Variants in WDR33 observed in about 807,000 individuals in gnomAD.
The protein encoded by WDR33 is WD repeat domain 33, also known as pre-mRNA 3' end processing protein WDR33.
In WDR33, 47 loss-of-function variants were observed where a neutral mutation model predicts 164.9. That is an observed-to-expected ratio of 0.29 (90% CI 0.23 to 0.36). The LOEUF is 0.36. Among genes scored for constraint, WDR33 ranks in the 10% least tolerant of loss-of-function variants. The pLI, the probability that WDR33 is intolerant of heterozygous loss-of-function variation, is 1.00. For missense variants in WDR33, 1,137 were observed against 1,754.1 expected (o/e 0.65, Z 6.28); for synonymous variants, 505 against 589.0 (o/e 0.86, Z 2.06).
At chr2:127,730,923 G>A (rs1686688703) in intron 7 of WDR33, among the ~76,000 whole-genome samples, 1 of 149,392 alleles carries the variant, frequency 6.7e-6, no homozygotes, top group Non-Finnish European at 1.5e-5. Flanking sequence ...GTTTGTTTAG[G>A]TATGTTTTTA....
At chr2:127,737,877 G>T in intron 7 of WDR33, 1 of 1,439,342 alleles carries the variant, frequency 6.9e-7, no homozygotes. Context: ...CAAAGTAGAA[G>T]AGTAGTTAAC....
At position 127,723,310 on chromosome 2, in the gene WDR33, G is replaced by A. The variant is rs1348247377; in HGVS notation, c.1234C>T (p.Arg412Ter). Residue 412 changes from arginine to a stop codon, truncating the protein, a stop_gained, in exon 12 of 22, where the codon CGA becomes TGA. Transcript: ENST00000322313. LOFTEE classifies it high-confidence loss of function. This position sits in a 1 kb window ranked among gnomAD's most constrained non-coding sequence, Gnocchi z 5.9. Reference sequence around the variant, plus strand: ...AAAAGGTTTAGATTATATCGATCTCGCATTTTATCACCTGGTCGGTTTCGA... The same window carrying A: ...AAAAGGTTTAGATTATATCGATCTCACATTTTATCACCTGGTCGGTTTCGA... The part of the protein sequence containing the change: ...WTRNRPGDKM[R>*]DRYNLNLLPG... 3.1e-6 allele frequency: 5 copies of A among 1,613,758 alleles called. No individual in the cohort carries two copies. The highest frequency in any genetic ancestry group is 1.3e-5 in the African/African-American group (1 of 74,890).
rs529298272 is a variant in WDR33, at chr2:127,706,692, C to T, written c.3782-140G>A. ...GAGACTGGCAGTGGTATTCAGCGTACTGAGAGGTGTGCCTCTACCCTTTCC... is the reference window on the plus strand; with the variant it reads ...GAGACTGGCAGTGGTATTCAGCGTATTGAGAGGTGTGCCTCTACCCTTTCC... On this transcript the variant is annotated intron_variant, in intron 21 of 21. Transcript: ENST00000322313. The surrounding 1 kb of genome is among the most constrained non-coding windows in gnomAD (Gnocchi z 5.1). 1.2e-4 allele frequency: 89 copies of T among 753,044 alleles called. No homozygotes were observed. The African/African-American group carries it at 1.2e-3, about 10-fold the overall frequency. 46.6% of individuals were successfully genotyped at this position (753,044 alleles called of 1,614,324 possible).
Position 127,708,959 on chromosome 2 carries a change from T to G in WDR33, c.3566-67A>C. 1 of 1,439,810 alleles carries G rather than the reference T, an allele frequency of 6.9e-7. No homozygotes were observed. Among genetic ancestry groups the G allele is most frequent in the Non-Finnish European group, 9.2e-7 (1 of 1,085,716 alleles). 89.2% of individuals were successfully genotyped at this position (1,439,810 alleles called of 1,614,324 possible). A position where few individuals can be genotyped will look rare whatever the true frequency, so the allele number is the denominator to read the frequency against. On this transcript the variant is annotated intron_variant, in intron 20 of 21. Coordinates refer to ENST00000322313, the MANE Select transcript of WDR33 (RefSeq NM_018383.5). This position sits in a 1 kb window ranked among gnomAD's most constrained non-coding sequence, Gnocchi z 6.7. Reference sequence around the variant, plus strand: ...GACCAGAAGTAGATGGGAATGACACTGTGAGAGTAAGGAGCAACTCGAGAG... The same window carrying G: ...GACCAGAAGTAGATGGGAATGACACGGTGAGAGTAAGGAGCAACTCGAGAG...
chr2:127,762,583 G>T (rs960893599), intron 7 of WDR33: 1 of 985,624 alleles, frequency 1.0e-6, no homozygotes, highest in African/African-American at 1.7e-5. Context: ...GTAACAAGCC[G>T]GCCATGTAGT....
rs1686126039 is a variant in WDR33, at chr2:127,710,250, T to C, written c.3309-394A>G. ...GGACACAGAGTAAGTGCTGGTGATC[T>C]GAACTCAGCCAGTCTTGACCCTCGG... On this transcript the variant is annotated intron_variant, in intron 18 of 21. Coordinates refer to ENST00000322313, the MANE Select transcript of WDR33 (RefSeq NM_018383.5). The surrounding 1 kb of genome is among the most constrained non-coding windows in gnomAD (Gnocchi z 4.4). Among the ~76,000 whole-genome samples, 1 of 152,252 alleles carries C rather than the reference T, an allele frequency of 6.6e-6. No individual in the cohort carries two copies. Among genetic ancestry groups the C allele is most frequent in the Admixed American group, 6.5e-5 (1 of 15,286 alleles).
At chr2:127,754,722 C>T (rs900563511) in intron 7 of WDR33, among the ~76,000 whole-genome samples, 7 of 151,872 alleles carry the variant, frequency 4.6e-5, no homozygotes, top group Admixed American at 1.3e-4. Context: ...TGTGCCTGGC[C>T]ACATTCTCTT....
At chr2:127,790,346 CTAATAT>C (rs1315635542) in intron 1 of WDR33, among the ~76,000 whole-genome samples, 1 of 152,086 alleles carries the variant, frequency 6.6e-6, no homozygotes, top group African/African-American at 2.4e-5. Context: ...ATTTGAGTTA[CTAATAT>C]TTTGTTGTGA....
At chr2:127,807,451 C>G (rs971266023) in intron 1 of WDR33, among the ~76,000 whole-genome samples, 2 of 152,158 alleles carry the variant, frequency 1.3e-5, no homozygotes, top group South Asian at 2.1e-4. Flanking sequence ...CAGTTTTGCA[C>G]GTATCATCCC....
chr2:127,749,381 G>A lies in WDR33; in HGVS notation c.724+13681C>T, dbSNP rs115704775. On this transcript the variant is annotated intron_variant, in intron 7 of 21. Transcript: ENST00000322313. ...AATGATGATGAAGAAACACCATAAGGGCAGGTGTGGTGGCTCGTGTCTGTA... is the reference window on the plus strand; with the variant it reads ...AATGATGATGAAGAAACACCATAAGAGCAGGTGTGGTGGCTCGTGTCTGTA... Among the ~76,000 whole-genome samples the A allele has an allele frequency of 7.0e-3, 1,066 of 152,142 alleles. 10 individuals carry two copies. The highest frequency in any genetic ancestry group is 0.024 in the African/African-American group (1,012 of 41,516).
At chr2:127,767,205 C>A (rs945991959) in intron 4 of WDR33, among the ~76,000 whole-genome samples, 1 of 152,160 alleles carries the variant, frequency 6.6e-6, no homozygotes, top group Non-Finnish European at 1.5e-5. Context: ...TTATTTTCCT[C>A]ATCTGCCACT....
Position 127,735,265 on chromosome 2 carries a change from T to C in WDR33, c.725-8488A>G, listed in dbSNP as rs1213316185. 7 of 546,258 alleles carry C rather than the reference T, an allele frequency of 1.3e-5. No individual in the cohort carries two copies. Among genetic ancestry groups the C allele is most frequent in the Admixed American group, 6.4e-5 (1 of 15,678 alleles). The allele number at this position is 546,258 out of a possible 1,614,324, so 33.8% of individuals were successfully genotyped here. ...ATTTTTCTCAGGCCCTCACCCCTCCTCCACCTGATCACCCCTCCTCCACCT... is the reference window on the plus strand; with the variant it reads ...ATTTTTCTCAGGCCCTCACCCCTCCCCCACCTGATCACCCCTCCTCCACCT... On this transcript the variant is annotated intron_variant, in intron 7 of 21. Coordinates refer to ENST00000322313, the MANE Select transcript of WDR33 (RefSeq NM_018383.5). The surrounding 1 kb of genome is among the most constrained non-coding windows in gnomAD (Gnocchi z 4.3).
chr2:127,713,204 G>C lies in WDR33; in HGVS notation c.3308+379C>G, dbSNP rs72846244. ...ATTATTGGGCAATTACACAAAAATT[G>C]TATCTATTTCACAACCCCTTTATTT... is the stretch of plus-strand genomic sequence containing the variant. On this transcript the variant is annotated intron_variant, in intron 18 of 21. Transcript: ENST00000322313. This position sits in a 1 kb window ranked among gnomAD's most constrained non-coding sequence, Gnocchi z 6.2. Among the ~76,000 whole-genome samples, 2 of 152,082 alleles carry C rather than the reference G, an allele frequency of 1.3e-5. No homozygotes were observed. The highest frequency in any genetic ancestry group is 4.8e-5 in the African/African-American group (2 of 41,408).
Position 127,707,365 on chromosome 2 carries a change from C to T in WDR33, c.3782-813G>A, listed in dbSNP as rs1052190150. 5.3e-5 allele frequency among the ~76,000 whole-genome samples: 8 copies of T among 152,214 alleles called. No homozygotes were observed. In the East Asian group the frequency reaches 7.7e-4, roughly 15 times the overall value. ...TCTCAGAAGATGACTGCAAACTCTC[C>T]GCTGTCTCATATTTTGTAATAGAAT... On this transcript the variant is annotated intron_variant, in intron 21 of 21. Transcript: ENST00000322313.
At chr2:127,787,653 C>T (rs1193504737) in intron 1 of WDR33, among the ~76,000 whole-genome samples, 1 of 86,710 alleles carries the variant, frequency 1.2e-5, no homozygotes, top group Non-Finnish European at 2.3e-5. Context: ...GGCGGCTGGC[C>T]GGGCGGAGGG....
chr2:127,702,063 G>A lies in WDR33; in HGVS notation c.*4260C>T. ...GCTGGGCGCGGGCGCGCAGGTGGCCGCGCTGCTGGCCGCGCTGGTTGGGCT... is the reference window on the plus strand; with the variant it reads ...GCTGGGCGCGGGCGCGCAGGTGGCCACGCTGCTGGCCGCGCTGGTTGGGCT... On this transcript the variant is annotated 3_prime_UTR_variant, in exon 22 of 22. Transcript: ENST00000322313. The A allele has an allele frequency of 8.3e-7, 1 of 1,209,186 alleles. No homozygotes were observed. The highest frequency in any genetic ancestry group is 1.0e-6 in the Non-Finnish European group (1 of 972,170). 74.9% of individuals were successfully genotyped at this position (1,209,186 alleles called of 1,614,324 possible). A position where few individuals can be genotyped will look rare whatever the true frequency, so the allele number is the denominator to read the frequency against.
Position 127,765,168 on chromosome 2 carries a change from C to A in WDR33, c.474+6G>T, listed in dbSNP as rs760661778. On this transcript the variant is annotated splice_donor_region_variant and intron_variant, in intron 5 of 21. Transcript: ENST00000322313. ...GATGATGATACCATCTGGTGATTAT[C>A]ATTACCTGTAATATTGTTTCAAAAT... The A allele has an allele frequency of 6.2e-7, 1 of 1,610,188 alleles. No homozygotes were observed. Among genetic ancestry groups the A allele is most frequent in the African/African-American group, 1.3e-5 (1 of 74,934 alleles).
Position 127,719,236 on chromosome 2 carries a change from T to C in WDR33, c.2760+29A>G, listed in dbSNP as rs776950642. On this transcript the variant is annotated intron_variant, in intron 16 of 21. Transcript: ENST00000322313. This position sits in a 1 kb window ranked among gnomAD's most constrained non-coding sequence, Gnocchi z 6.5. Reference sequence around the variant, plus strand: ...TTCTGTGCAGAGTGTATTTTCCCAATGTGCCCGTGAGTTGGAAATGAATAA... The same window carrying C: ...TTCTGTGCAGAGTGTATTTTCCCAACGTGCCCGTGAGTTGGAAATGAATAA... The C allele has an allele frequency of 3.6e-6, 5 of 1,393,970 alleles. No homozygotes were observed. Among genetic ancestry groups the C allele is most frequent in the Non-Finnish European group, 4.7e-6 (5 of 1,074,774 alleles). The allele number at this position is 1,393,970 out of a possible 1,614,324, so 86.4% of individuals were successfully genotyped here.
chr2:127,732,405 T>A (rs1686734777), intron 7 of WDR33, among the ~76,000 whole-genome samples: 1 of 151,966 alleles, frequency 6.6e-6, no homozygotes, highest in African/African-American at 2.4e-5. Context: ...GATTGCAGCC[T>A]CTGACTCCTG....
Sources: gnomAD v4.1 joint callset for allele counts (sites outside exome capture counted in the v4.1 genomes callset) on GRCh38, gnomAD v4.1.1 for gene constraint, Gnocchi (gnomAD v3.1) non-coding constraint, MANE v1.5 for transcripts, NCBI Gene and HGNC (gene_info 2026-07-23, HGNC 2026-07-21) for gene names.